Variants in DLG2 observed in about 807,000 individuals in gnomAD.
The protein encoded by DLG2 is discs large MAGUK scaffold protein 2.
In DLG2, 45 loss-of-function variants were observed where a neutral mutation model predicts 132.5. That is an observed-to-expected ratio of 0.34 (90% CI 0.27 to 0.44). DLG2 has a LOEUF of 0.44. Ranked by LOEUF, DLG2 falls within the 20% of genes least tolerant of loss-of-function variation. DLG2 has a pLI of 1.00. For missense variants in DLG2, 1,045 were observed against 1,196.9 expected (o/e 0.87, Z 1.87); for synonymous variants, 424 against 419.6 (o/e 1.01, Z -0.13).
chr11:85,484,017 G>C (rs1321189730), intron 3 of DLG2, among the ~76,000 whole-genome samples: 12 of 152,300 alleles, frequency 7.9e-5, no homozygotes, highest in Admixed American at 7.2e-4. Flanking sequence ...CCCAAAGCGG[G>C]TGGTAAACTC....
At chr11:85,135,903 G>C (rs17148023) in intron 5 of DLG2, among the ~76,000 whole-genome samples, 4 of 152,090 alleles carry the variant, frequency 2.6e-5, no homozygotes, top group Non-Finnish European at 5.9e-5. Context: ...AGTGTTTTAC[G>C]TCTACAAAAT....
intron 6 of DLG2, among the ~76,000 whole-genome samples, chr11:84,847,079 T>G (rs564404742): frequency 6.6e-6 from 1 of 152,164 alleles, no homozygotes; most frequent in Admixed American, 6.6e-5. Flanking sequence ...TGAGAGAGAA[T>G]AATAAATAGT....
intron 18 of DLG2, among the ~76,000 whole-genome samples, chr11:83,768,275 C>T (rs1276067745): frequency 1.3e-5 from 2 of 152,164 alleles, no homozygotes; most frequent in Admixed American, 1.3e-4. Flanking sequence ...AGCCAAATAT[C>T]TTGCTCCTTA....
At chr11:85,019,451 TTTA>T (rs749845341) in intron 6 of DLG2, among the ~76,000 whole-genome samples, 20 of 152,072 alleles carry the variant, frequency 1.3e-4, no homozygotes, top group Non-Finnish European at 2.5e-4. Context: ...AGATTTCTTT[TTTA>T]TTATTATTTT....
chr11:84,502,342 CTTTCTTTCTTTCTTTCTTT>C (rs2099218896), intron 7 of DLG2, among the ~76,000 whole-genome samples: 1 of 37,788 alleles, frequency 2.6e-5, no homozygotes, highest in Non-Finnish European at 4.7e-5. Context: ...TTCTTTCTTT[CTTTCTTTCTTTCTTTCTTT>C]CTTTCTTTCT....
chr11:84,799,386 G>C (rs1252215376), intron 6 of DLG2, among the ~76,000 whole-genome samples: 1 of 152,160 alleles, frequency 6.6e-6, no homozygotes, highest in African/African-American at 2.4e-5. Context: ...GCACCATGCA[G>C]CTGCTGCCGG....
intron 18 of DLG2, among the ~76,000 whole-genome samples, chr11:83,667,288 A>G (rs1027467872): frequency 6.6e-6 from 1 of 152,214 alleles, no homozygotes; most frequent in African/African-American, 2.4e-5. Context: ...TAATGGTGAT[A>G]AGCAAACTCT....
intron 7 of DLG2, among the ~76,000 whole-genome samples, chr11:84,520,025 T>C (rs1249490074): frequency 6.6e-6 from 1 of 152,228 alleles, no homozygotes; most frequent in Non-Finnish European, 1.5e-5. Context: ...TTCAACATTC[T>C]CTTTCCTGAA....
At chr11:83,782,714 T>A (rs2153873657) in intron 18 of DLG2, among the ~76,000 whole-genome samples, 1 of 152,164 alleles carries the variant, frequency 6.6e-6, no homozygotes, top group African/African-American at 2.4e-5. Flanking sequence ...GAAAGGCTGA[T>A]ACTGTGGGTG....
chr11:83,908,891 G>T (rs2075545543), intron 15 of DLG2, among the ~76,000 whole-genome samples: 1 of 152,086 alleles, frequency 6.6e-6, no homozygotes, highest in African/African-American at 2.4e-5. Flanking sequence ...GTGCCAGCAT[G>T]CCTGCCTATT....
At chr11:85,061,220 T>C (rs1432413203) in intron 6 of DLG2, among the ~76,000 whole-genome samples, 1 of 151,902 alleles carries the variant, frequency 6.6e-6, no homozygotes, top group Non-Finnish European at 1.5e-5. Flanking sequence ...AGAAGCTTTA[T>C]AGTTTGATAT....
rs111501503 is a variant in DLG2 at position 83,981,481 on chromosome 11, G to A, written c.920-839C>T. Among the ~76,000 whole-genome samples, 16 of 151,906 alleles carry A rather than the reference G, an allele frequency of 1.1e-4. 1 individual carries two copies. The highest frequency in any genetic ancestry group is 2.9e-4 in the African/African-American group (12 of 41,412). ...ATTTTTGAGATAGTCTCGCTCTGTCGCCCAGGCTGGAGTGCAGTGGTATGA... is the reference window on the plus strand; with the variant it reads ...ATTTTTGAGATAGTCTCGCTCTGTCACCCAGGCTGGAGTGCAGTGGTATGA... On this transcript the variant is annotated intron_variant, in intron 11 of 27. Coordinates refer to ENST00000376104, the MANE Select transcript of DLG2 (RefSeq NM_001142699.3).
intron 17 of DLG2, among the ~76,000 whole-genome samples, chr11:83,800,928 G>A (rs1009514191): frequency 6.6e-6 from 1 of 152,084 alleles, no homozygotes; most frequent in Non-Finnish European, 1.5e-5. Flanking sequence ...GTATCTCCAA[G>A]CTCTGATTTT....
chr11:84,670,509 A>T (rs1243996411), intron 6 of DLG2, among the ~76,000 whole-genome samples: 1 of 152,178 alleles, frequency 6.6e-6, no homozygotes, highest in Non-Finnish European at 1.5e-5. Flanking sequence ...AGGCTACAGA[A>T]CACACAAGTG....
intron 3 of DLG2, among the ~76,000 whole-genome samples, chr11:85,319,659 G>C (rs2080917268): frequency 6.6e-6 from 1 of 151,828 alleles, no homozygotes; most frequent in East Asian, 1.9e-4. Context: ...TGAATAGTTT[G>C]AAAATTTAAA....
chr11:83,676,598 A>G (rs1231522430), intron 18 of DLG2, among the ~76,000 whole-genome samples: 1 of 152,190 alleles, frequency 6.6e-6, no homozygotes, highest in African/African-American at 2.4e-5. Flanking sequence ...TATCTCATTT[A>G]TATCTTCCCA....
At chr11:84,012,829 G>A (rs187216837) in intron 11 of DLG2, among the ~76,000 whole-genome samples, 121 of 152,142 alleles carry the variant, frequency 8.0e-4, no homozygotes, top group African/African-American at 6.0e-4. Context: ...TAATCTAATC[G>A]AATACCCGCT....
chr11:84,253,290 A>G (rs1365183147), intron 7 of DLG2, among the ~76,000 whole-genome samples: 1 of 152,134 alleles, frequency 6.6e-6, no homozygotes, highest in Non-Finnish European at 1.5e-5. Flanking sequence ...GGGCTCAGTG[A>G]CTTCCTAGTG....
chr11:85,164,349 G>A (rs2078268741), intron 4 of DLG2, among the ~76,000 whole-genome samples: 1 of 151,824 alleles, frequency 6.6e-6, no homozygotes, highest in Non-Finnish European at 1.5e-5. Flanking sequence ...CATATTTTTG[G>A]GTGGCATACC....
Sources: gnomAD v4.1 joint callset for allele counts (sites outside exome capture counted in the v4.1 genomes callset) on GRCh38, gnomAD v4.1.1 for gene constraint, MANE v1.5 for transcripts, NCBI Gene and HGNC (gene_info 2026-07-23, HGNC 2026-07-21) for gene names.